The following COL1A2 variants were observed in gnomAD, a reference collection of about 807,000 sequenced individuals.
COL1A2 encodes the protein collagen alpha-2(I) chain.
A neutral mutation model predicts 174.3 loss-of-function variants in COL1A2; 49 were observed. The ratio of observed to expected loss-of-function variants is 0.28; its 90% CI spans 0.22 to 0.36. The LOEUF (loss-of-function observed/expected upper bound fraction) is 0.36, where lower values mean the gene tolerates loss of function less well. Among genes scored for constraint, COL1A2 ranks in the 10% least tolerant of loss-of-function variants. The pLI is 1.00. For synonymous variants in COL1A2, 655 were observed against 606.6 expected, an observed-to-expected ratio of 1.08 and a Z score of -1.17; for missense variants, 1,438 against 1,822.7, an observed-to-expected ratio of 0.79 and a Z score of 3.84.
chr7:94,410,392 C>T, intron 20 of COL1A2, 28 bp from the exon 21 acceptor site: 2 of 1,558,326 alleles, frequency 1.3e-6, no homozygotes, highest in Non-Finnish European at 1.7e-6. Context: ...TTTTTACTCC[C>T]TCTTCTTTTG....
At chr7:94,405,327 T>A in intron 10 of COL1A2, 75 bp downstream of exon 10, 1 of 1,387,784 alleles carries the variant, frequency 7.2e-7, no homozygotes, top group Non-Finnish European at 1.0e-6. Context: ...AGCATCAATC[T>A]AAATGACAAC....
intron 49 of COL1A2, 28 bp from the exon 50 acceptor site, chr7:94,428,265 C>G (rs548723135): frequency 1.3e-6 from 2 of 1,560,552 alleles, no homozygotes; most frequent in South Asian, 2.2e-5. Context: ...TGAGAAGTTT[C>G]ATGATCTGAA....
At chr7:94,421,507 A>G (rs916871295) in intron 38 of COL1A2, 9 of 369,482 alleles carry the variant, frequency 2.4e-5, no homozygotes, top group Non-Finnish European at 4.5e-5. Flanking sequence ...CATGAACACC[A>G]TTACCTATTA....
intron 4 of COL1A2, among the ~76,000 whole-genome samples, chr7:94,399,361 C>A (rs1209546755): frequency 6.6e-6 from 1 of 152,142 alleles, no homozygotes; most frequent in African/African-American, 2.4e-5. Context: ...CCAACACATG[C>A]ATAATGGAAA....
In COL1A2 at chr7:94,408,187, C is replaced by T. The variant is rs753438416; in HGVS notation, c.644C>T (p.Ala215Val). Residue 215 changes from alanine to valine, a missense_variant, in exon 14 of 52, where the codon GCC becomes GTC. By Grantham distance (64) the Ala-to-Val change is moderately conservative. Around this residue, in one of 3 missense-constraint regions of COL1A2, gnomAD observed 281 missense variants for 310.9 expected, o/e 0.90. Coordinates refer to ENST00000297268, the MANE Select transcript of COL1A2 (RefSeq NM_000089.4). ...TGAAAATATTTCTGCTTCTAGGGAG[C>T]CCGTGGGCTTCCTGGTGAGAGAGGA... ...GENGTPGQTG[A>V]RGLPGERGRV... 8 of 1,613,780 alleles carry T rather than the reference C, an allele frequency of 5.0e-6. No homozygotes were observed. The African/African-American group carries it at 9.3e-5, about 19-fold the overall frequency.
chr7:94,425,389 A>G (rs1792252110), intron 42 of COL1A2, 165 bp downstream of exon 42: 1 of 825,002 alleles, frequency 1.2e-6, no homozygotes, highest in Non-Finnish European at 2.0e-6. Flanking sequence ...GCTTAGGCCA[A>G]AGAATGGGCT....
chr7:94,429,467 G>A (rs1341522311), intron 51 of COL1A2, 37 bp downstream of exon 51: 3 of 1,611,294 alleles, frequency 1.9e-6, no homozygotes, highest in African/African-American at 2.7e-5. Flanking sequence ...GCTTTGGGAA[G>A]TGGGATGGAG....
rs413826 is a variant in COL1A2 at position 94,426,932 on chromosome 7, C to G, written c.3106-76C>G. 831,399 of 1,344,478 alleles carry G rather than the reference C, an allele frequency of 0.62. 260,859 individuals are homozygous for G. Among genetic ancestry groups the G allele is most frequent in the Admixed American group, 0.66 (36,344 of 54,908 alleles). 83.3% of individuals were successfully genotyped at this position (1,344,478 alleles called of 1,614,324 possible). On this transcript the variant is annotated intron_variant, in intron 46 of 51. Transcript: ENST00000297268. ...GTCCATTTAACTAAAGTTTCCCATT[C>G]AATTTGGAAAAAAAAAAAAAATATG...
intron 6 of COL1A2, among the ~76,000 whole-genome samples, chr7:94,403,415 G>C (rs1791730164): frequency 6.6e-6 from 1 of 152,074 alleles, no homozygotes; most frequent in African/African-American, 2.4e-5. Context: ...CTGAATTAAT[G>C]AGTAATCACA....
At chr7:94,397,110 G>A (rs763076198) in intron 1 of COL1A2, among the ~76,000 whole-genome samples, 6 of 151,744 alleles carry the variant, frequency 4.0e-5, no homozygotes, top group Non-Finnish European at 8.8e-5. Flanking sequence ...CCTAATTTAA[G>A]TGAACTAATT....
chr7:94,403,128 T>C (rs542271110), intron 6 of COL1A2, among the ~76,000 whole-genome samples: 2 of 152,296 alleles, frequency 1.3e-5, no homozygotes, highest in South Asian at 4.1e-4. Flanking sequence ...AGTAAAGAGC[T>C]ACTAAATGTC....
intron 51 of COL1A2, 40 bp from the exon 52 acceptor site, chr7:94,430,207 T>C (rs765353844): frequency 6.3e-7 from 1 of 1,592,012 alleles, no homozygotes; most frequent in East Asian, 2.2e-5. Context: ...GATTCAGAAA[T>C]AGTGATGCTT....
At position 94,420,258 on chromosome 7, in the gene COL1A2, C is replaced by T; in HGVS notation, c.2105C>T (p.Ala702Val). The T allele has an allele frequency of 1.2e-6, 2 of 1,613,800 alleles. No homozygotes were observed. The highest frequency in any genetic ancestry group is 2.2e-5 in the East Asian group (1 of 44,876). ...GGCGAAGCTGGGGCTGCTGGTCCTG[C>T]TGGTCCTGCTGGTCCTCGGGGAAGC... ...DRGEAGAAGP[A>V]GPAGPRGSPG... Residue 702 changes from alanine to valine, a missense_variant, in exon 35 of 52, where the codon GCT becomes GTT. This residue lies in a region of COL1A2 where 867 missense variants were observed against 1,213.7 expected (regional missense o/e 0.71). Transcript: ENST00000297268.
intron 25 of COL1A2, among the ~76,000 whole-genome samples, 165 bp from the exon 26 acceptor site, chr7:94,412,918 T>C: frequency 6.6e-6 from 1 of 152,222 alleles, no homozygotes; most frequent in East Asian, 1.9e-4. Context: ...TTACTGTACA[T>C]GGAGCTGCAT....
intron 34 of COL1A2, 113 bp downstream of exon 34, chr7:94,419,664 T>A: frequency 2.6e-6 from 3 of 1,147,578 alleles, no homozygotes; most frequent in Non-Finnish European, 3.9e-6. Flanking sequence ...CCTACTTATT[T>A]AAAAACCTAG....
rs575559560 is a variant in COL1A2, at chr7:94,406,087, G to A, written c.541-163G>A. Among the ~76,000 whole-genome samples the A allele has an allele frequency of 5.3e-4, 80 of 152,268 alleles. 1 individual carries two copies. The highest frequency in any genetic ancestry group is 5.8e-4 in the East Asian group (3 of 5,184). On this transcript the variant is annotated intron_variant, in intron 11 of 51. Transcript: ENST00000297268. ...GCAAGAAAGTTAAGTGACCTATCTA[G>A]GGCAATAGACTGAGTTTGCTGGGAC... is the stretch of plus-strand genomic sequence containing the variant.
intron 6 of COL1A2, among the ~76,000 whole-genome samples, chr7:94,404,352 T>C (rs1435401251): frequency 1.3e-5 from 2 of 152,226 alleles, no homozygotes; most frequent in African/African-American, 4.8e-5. Context: ...CATTGATTTC[T>C]GTTGATAAGG....
intron 31 of COL1A2, chr7:94,416,782 G>A: frequency 2.4e-6 from 1 of 413,406 alleles, no homozygotes; most frequent in Non-Finnish European, 4.4e-6. Flanking sequence ...TTATGCTTTT[G>A]TTTTAATCTA....
rs147063981 is a variant in COL1A2, at chr7:94,425,160, G to C, written c.2717G>C (p.Arg906Pro). 6.2e-7 allele frequency: 1 copy of C among 1,614,070 alleles called. No homozygotes were observed. The highest frequency in any genetic ancestry group is 8.5e-7 in the Non-Finnish European group (1 of 1,179,996). The change falls in exon 42 of 52, where the codon CGT becomes CCT. Residue 906 changes from arginine to proline, a missense_variant. Around this residue, in one of 3 missense-constraint regions of COL1A2, gnomAD observed 867 missense variants for 1,213.7 expected, o/e 0.71. Transcript: ENST00000297268. ...PLGIAGPPGARGPPGAVGSPG... is the reference protein window; with the variant it reads ...PLGIAGPPGAPGPPGAVGSPG... ...GGCATTGCCGGCCCTCCTGGGGCCC[G>C]TGGTCCTCCTGGTGCTGTGGGTAGT...
Sources: gnomAD v4.1 joint callset for allele counts (sites outside exome capture counted in the v4.1 genomes callset) on GRCh38, gnomAD v4.1.1 for gene constraint, gnomAD v4.1.1 regional missense constraint, MANE v1.5 for transcripts, NCBI Gene and HGNC (gene_info 2026-07-23, HGNC 2026-07-21) for gene names.